VPS54: variants seen among roughly 807,000 people sequenced by gnomAD.
VPS54 encodes VPS54 subunit of GARP complex.
Under a neutral mutation model 121.5 loss-of-function variants are expected in VPS54, and 45 were observed. The observed-to-expected ratio is 0.37, with a 90% CI of 0.29 to 0.47. The LOEUF (loss-of-function observed/expected upper bound fraction) is 0.47, where lower values mean the gene tolerates loss of function less well. Ranked by LOEUF, VPS54 falls within the 20% of genes least tolerant of loss-of-function variation. VPS54 has a pLI of 0.99. For missense variants in VPS54, 1,090 were observed against 1,131.4 expected (o/e 0.96, Z 0.52); for synonymous variants, 371 against 385.8 (o/e 0.96, Z 0.45).
At chr2:63,951,804 G>GA (rs1416744372) in intron 7 of VPS54, among the ~76,000 whole-genome samples, 1 of 151,638 alleles carries the variant, frequency 6.6e-6, no homozygotes, top group Non-Finnish European at 1.5e-5. Flanking sequence ...TATATTTACT[G>GA]AAAAAAAATC....
At position 63,999,924 on chromosome 2, in the gene VPS54, G is replaced by A. The variant is rs190133021; in HGVS notation, c.-20-15905C>T. ...CACCCAGACTAGAGTGCAATGGCAC[G>A]ATCTCGTCTCACTGCAACCTCTGCC... On this transcript the variant is annotated intron_variant, in intron 1 of 22. Coordinates refer to ENST00000272322, the MANE Select transcript of VPS54 (RefSeq NM_016516.3). 2.2e-3 allele frequency among the ~76,000 whole-genome samples: 333 copies of A among 151,808 alleles called. 3 individuals are homozygous for A. The highest frequency in any genetic ancestry group is 4.0e-3 in the Non-Finnish European group (269 of 67,938).
chr2:64,002,013 C>G (rs1677905455), intron 1 of VPS54, among the ~76,000 whole-genome samples: 1 of 152,222 alleles, frequency 6.6e-6, no homozygotes, highest in African/African-American at 2.4e-5. Context: ...TGCCAGAACT[C>G]AAGTTCCAAC....
intron 8 of VPS54, among the ~76,000 whole-genome samples, chr2:63,948,069 G>C (rs56015711): frequency 6.6e-6 from 1 of 151,934 alleles, no homozygotes; most frequent in Non-Finnish European, 1.5e-5. Context: ...GGGCTCAAAC[G>C]ATCCTCTAGC....
chr2:63,943,729 T>TTC (rs757525233), intron 10 of VPS54, among the ~76,000 whole-genome samples: 4 of 138,274 alleles, frequency 2.9e-5, no homozygotes, highest in Non-Finnish European at 4.8e-5. Flanking sequence ...CTTTCTTTCT[T>TTC]TTTTTTTTTT....
chr2:63,924,771 C>T (rs1187836897), intron 12 of VPS54, among the ~76,000 whole-genome samples: 1 of 152,160 alleles, frequency 6.6e-6, no homozygotes, highest in African/African-American at 2.4e-5. Context: ...ACAGATACGC[C>T]TATCTGAATA....
intron 11 of VPS54, 66 bp from the exon 12 acceptor site, chr2:63,934,079 G>A: frequency 2.2e-6 from 3 of 1,388,448 alleles, no homozygotes; most frequent in Non-Finnish European, 2.9e-6. Context: ...TCCCAAAAGA[G>A]AATTCTGTGC....
chr2:64,015,216 T>C lies in VPS54; in HGVS notation c.-21+3722A>G, dbSNP rs188355712. On this transcript the variant is annotated intron_variant, in intron 1 of 22. Transcript: ENST00000272322. ...CAAAAATAACAATTCAAAACAATAGTAGTCCAAATTTGCAGTAAATTAAGT... is the reference window on the plus strand; with the variant it reads ...CAAAAATAACAATTCAAAACAATAGCAGTCCAAATTTGCAGTAAATTAAGT... Among the ~76,000 whole-genome samples, 22 of 152,304 alleles carry C rather than the reference T, an allele frequency of 1.4e-4. No homozygotes were observed. The East Asian group carries it at 4.2e-3, about 29-fold the overall frequency.
At chr2:63,917,334 TAG>T in intron 15 of VPS54, among the ~76,000 whole-genome samples, 1 of 152,174 alleles carries the variant, frequency 6.6e-6, no homozygotes, top group Admixed American at 6.5e-5. Context: ...GATCAGCAAA[TAG>T]TTTTTTAAAA....
intron 1 of VPS54, among the ~76,000 whole-genome samples, chr2:64,012,124 C>A (rs1678457914): frequency 6.6e-6 from 1 of 152,050 alleles, no homozygotes; most frequent in Admixed American, 6.5e-5. Flanking sequence ...CTATCTTAGC[C>A]CTGCTCTACT....
At chr2:64,013,661 G>C (rs1259596695) in intron 1 of VPS54, among the ~76,000 whole-genome samples, 2 of 139,790 alleles carry the variant, frequency 1.4e-5, no homozygotes, top group Non-Finnish European at 3.1e-5. Context: ...GATATATATT[G>C]ATATATATAT....
At chr2:63,943,947 G>T (rs1470299358) in intron 10 of VPS54, among the ~76,000 whole-genome samples, 3 of 151,216 alleles carry the variant, frequency 2.0e-5, no homozygotes, top group Admixed American at 2.0e-4. Flanking sequence ...GCCCAGGGTG[G>T]TCTCGAACTC....
intron 4 of VPS54, among the ~76,000 whole-genome samples, chr2:63,970,507 C>G (rs936116745): frequency 6.6e-6 from 1 of 151,844 alleles, no homozygotes; most frequent in Non-Finnish European, 1.5e-5. Flanking sequence ...ACATTTCTTT[C>G]TCTTGTACTC....
At chr2:63,976,535 T>C (rs1046021925) in intron 3 of VPS54, among the ~76,000 whole-genome samples, 1 of 152,088 alleles carries the variant, frequency 6.6e-6, no homozygotes, top group African/African-American at 2.4e-5. Context: ...CCTACTGAAA[T>C]GTTTGGTAGA....
intron 1 of VPS54, among the ~76,000 whole-genome samples, chr2:64,004,641 T>C (rs1678039557): frequency 6.6e-6 from 1 of 152,386 alleles, no homozygotes; most frequent in South Asian, 2.1e-4. Context: ...TTTATTGTCC[T>C]GTGGATTTCT....
At chr2:63,927,370 G>A (rs1170092157) in intron 12 of VPS54, among the ~76,000 whole-genome samples, 5 of 152,200 alleles carry the variant, frequency 3.3e-5, no homozygotes, top group Non-Finnish European at 2.9e-5. Flanking sequence ...CAGACAAACA[G>A]GGTCTGGAGT....
Position 63,972,178 on chromosome 2 carries a change from A to C in VPS54, c.445T>G (p.Leu149Val). The change falls in exon 4 of 23, where the codon TTA (leucine) becomes GTA (valine). Residue 149 changes from leucine (L) to valine (V), a missense_variant. Leu to Val is a conservative substitution (Grantham distance 32). This residue lies in a region of VPS54 where 801 missense variants were observed against 757.0 expected (regional missense o/e 1.06). Transcript: ENST00000272322. ...CACATATTCATACCATGAGTATGTA[A>C]AAGAGTCCTTTCGAAGGTATCTTTA... ...PPKDTFERTL[L>V]HTHDKSRTDL... The C allele has an allele frequency of 6.3e-7, 1 of 1,584,932 alleles. No individual in the cohort carries two copies. The highest frequency in any genetic ancestry group is 1.2e-5 in the South Asian group (1 of 86,910).
At chr2:63,966,442 ATAGAC>A in intron 5 of VPS54, among the ~76,000 whole-genome samples, 1 of 152,216 alleles carries the variant, frequency 6.6e-6, no homozygotes, top group East Asian at 1.9e-4. Flanking sequence ...AATTTTATGA[ATAGAC>A]TACTCTTCCC....
intron 21 of VPS54, among the ~76,000 whole-genome samples, chr2:63,898,340 C>G (rs1372502762): frequency 1.3e-5 from 2 of 152,064 alleles, no homozygotes; most frequent in African/African-American, 4.8e-5. Flanking sequence ...GAAAGGATGG[C>G]TTGGCTAAGA....
intron 20 of VPS54, among the ~76,000 whole-genome samples, chr2:63,910,351 T>C (rs1162284115): frequency 6.6e-6 from 1 of 152,176 alleles, no homozygotes; most frequent in Non-Finnish European, 1.5e-5. Context: ...GGGTCAATGA[T>C]ATATATTTTT....
Sources: allele counts gnomAD v4.1 joint callset (sites outside exome capture counted in the v4.1 genomes callset), GRCh38; gene constraint gnomAD v4.1.1; regional missense constraint gnomAD v4.1.1; transcripts MANE v1.5; gene names NCBI Gene and HGNC (gene_info 2026-07-23, HGNC 2026-07-21).